USP10: variants seen among roughly 807,000 people sequenced by gnomAD.
The protein encoded by USP10 is ubiquitin specific peptidase 10.
A neutral mutation model predicts 84.5 loss-of-function variants in USP10; 22 were observed. That is an observed-to-expected ratio of 0.26 (90% CI 0.19 to 0.37). The LOEUF is 0.37. Among genes scored for constraint, USP10 ranks in the 10% least tolerant of loss-of-function variants. The pLI is 1.00. For missense variants in USP10, 1,019 were observed against 998.9 expected (o/e 1.02, Z -0.27); for synonymous variants, 454 against 387.6 (o/e 1.17, Z -2.01).
At chr16:84,721,983 A>G (rs940279058) in intron 1 of USP10, among the ~76,000 whole-genome samples, 1 of 152,186 alleles carries the variant, frequency 6.6e-6, no homozygotes, top group Non-Finnish European at 1.5e-5. Flanking sequence ...GCTGGGAGCC[A>G]TCACGCCCAG....
intron 1 of USP10, among the ~76,000 whole-genome samples, chr16:84,723,773 T>C (rs780930768): frequency 7.2e-5 from 11 of 152,238 alleles, no homozygotes; most frequent in Non-Finnish European, 1.3e-4. Flanking sequence ...ATTTAAAGTG[T>C]ATATTTCCAT....
chr16:84,747,148 A>G (rs967021714), intron 4 of USP10, among the ~76,000 whole-genome samples: 2 of 152,220 alleles, frequency 1.3e-5, no homozygotes, highest in South Asian at 4.1e-4. Flanking sequence ...CCTAAGAAGC[A>G]GAAGCTGTGT....
At chr16:84,776,088 A>G (rs1376932286) in intron 13 of USP10, among the ~76,000 whole-genome samples, 1 of 152,154 alleles carries the variant, frequency 6.6e-6, no homozygotes, top group East Asian at 1.9e-4. Context: ...TCTTCCCAAG[A>G]TATTCTTTCA....
At chr16:84,739,242 G>C (rs980786838) in intron 2 of USP10, among the ~76,000 whole-genome samples, 1 of 146,234 alleles carries the variant, frequency 6.8e-6, no homozygotes, top group African/African-American at 2.5e-5. Context: ...GTATTTTTTA[G>C]TAGAGACAGG....
chr16:84,763,231 C>T (rs1384014627), intron 9 of USP10, 143 bp downstream of exon 9: 5 of 490,150 alleles, frequency 1.0e-5, no homozygotes, highest in African/African-American at 3.8e-5. Context: ...CTTACACCAT[C>T]GAGAAGGTTA....
chr16:84,702,157 A>G (rs1904967861), intron 1 of USP10, among the ~76,000 whole-genome samples: 2 of 147,094 alleles, frequency 1.4e-5, no homozygotes, highest in South Asian at 4.3e-4. Flanking sequence ...CCCGGGTTCA[A>G]GCGATTCTCC....
chr16:84,715,351 G>A (rs529749160), intron 1 of USP10, among the ~76,000 whole-genome samples: 1 of 152,364 alleles, frequency 6.6e-6, no homozygotes, highest in African/African-American at 2.4e-5. Context: ...GGATAGCTAA[G>A]GCATAAGAAA....
intron 11 of USP10, among the ~76,000 whole-genome samples, chr16:84,771,604 C>T (rs940873723): frequency 1.6e-4 from 24 of 152,202 alleles, no homozygotes; most frequent in African/African-American, 5.1e-4. Flanking sequence ...CGTGGTGGCT[C>T]ACGCCTGTAA....
In USP10 at chr16:84,726,437, G is replaced by A. The variant is rs76274138; in HGVS notation, c.22-6998G>A. Among the ~76,000 whole-genome samples, 678 of 152,276 alleles carry A rather than the reference G, an allele frequency of 4.5e-3. 6 individuals carry two copies. Among genetic ancestry groups the A allele is most frequent in the African/African-American group, 0.016 (651 of 41,566 alleles). On this transcript the variant is annotated intron_variant, in intron 1 of 13. Coordinates refer to ENST00000219473, the MANE Select transcript of USP10 (RefSeq NM_005153.3). Reference sequence around the variant, plus strand: ...GCAGGAACACTGGTTTTCCCACTTCGTCTAAACCTTTGCCCAGGGTTTCTC... The same window carrying A: ...GCAGGAACACTGGTTTTCCCACTTCATCTAAACCTTTGCCCAGGGTTTCTC...
At chr16:84,737,564 T>C (rs1422930215) in intron 2 of USP10, among the ~76,000 whole-genome samples, 1 of 152,176 alleles carries the variant, frequency 6.6e-6, no homozygotes, top group Non-Finnish European at 1.5e-5. Context: ...TTCCTGCAGG[T>C]GCGCTCTTTT....
intron 1 of USP10, among the ~76,000 whole-genome samples, chr16:84,714,046 A>G (rs8064001): frequency 0.024 from 3,582 of 152,290 alleles, 133 homozygotes; most frequent in African/African-American, 0.081. Context: ...TTTCCTGGGC[A>G]CCAGAATAGT....
intron 9 of USP10, 59 bp downstream of exon 9, chr16:84,763,147 C>A: frequency 9.3e-7 from 1 of 1,080,726 alleles, no homozygotes; most frequent in Non-Finnish European, 1.4e-6. Flanking sequence ...ACAGGTGTTG[C>A]ATACTCATAT....
chr16:84,777,353 A>G (rs181824040), intron 13 of USP10, among the ~76,000 whole-genome samples: 1 of 152,312 alleles, frequency 6.6e-6, no homozygotes, highest in East Asian at 1.9e-4. Context: ...GATTCTACTG[A>G]TGGTCGCTTT....
Position 84,745,756 on chromosome 16 carries a change from A to T in USP10, c.1192+83A>T. ...GCTTATAGACTGTGGTGTTACCCAT[A>T]ACAATGGCAGATTACCTGTGTGTTA... On this transcript the variant is annotated intron_variant, in intron 4 of 13. Coordinates refer to ENST00000219473, the MANE Select transcript of USP10 (RefSeq NM_005153.3). 3 of 1,391,758 alleles carry T rather than the reference A, an allele frequency of 2.2e-6. No homozygotes were observed. In the South Asian group the frequency reaches 4.2e-5, roughly 20 times the overall value. The allele number at this position is 1,391,758 out of a possible 1,614,324, so 86.2% of individuals were successfully genotyped here.
intron 4 of USP10, among the ~76,000 whole-genome samples, chr16:84,748,441 C>T (rs1488810091): frequency 6.6e-6 from 1 of 151,796 alleles, no homozygotes; most frequent in East Asian, 2.0e-4. Flanking sequence ...GTAGCTGGGA[C>T]TACAGGTGCC....
At chr16:84,757,402 GGTGTGTGTGTGT>G (rs58812391) in intron 4 of USP10, among the ~76,000 whole-genome samples, 43 of 82,860 alleles carry the variant, frequency 5.2e-4, no homozygotes, top group East Asian at 4.3e-3. Flanking sequence ...GAGGGGTGGG[GGTGTGTGTGTGT>G]GTGTGTGTGT....
intron 1 of USP10, chr16:84,732,344 G>T (rs927387136): frequency 2.8e-6 from 1 of 355,966 alleles, no homozygotes; most frequent in African/African-American, 2.2e-5. Flanking sequence ...CTGATCATAC[G>T]TGGGCATTTG....
chr16:84,710,812 C>T (rs1597273264), intron 1 of USP10, among the ~76,000 whole-genome samples: 1 of 152,302 alleles, frequency 6.6e-6, no homozygotes, highest in East Asian at 1.9e-4. Flanking sequence ...GTAAGGATCC[C>T]TGTGAGCAGG....
chr16:84,711,151 T>C (rs1484752263), intron 1 of USP10, among the ~76,000 whole-genome samples: 1 of 152,212 alleles, frequency 6.6e-6, no homozygotes, highest in Non-Finnish European at 1.5e-5. Flanking sequence ...TGGCTTGGCA[T>C]TCATTAAGTC....
Sources: gnomAD v4.1 joint callset for allele counts (sites outside exome capture counted in the v4.1 genomes callset) on GRCh38, gnomAD v4.1.1 for gene constraint, MANE v1.5 for transcripts, NCBI Gene and HGNC (gene_info 2026-07-23, HGNC 2026-07-21) for gene names.